The following UBE2V2 variants were observed in gnomAD, a reference collection of about 807,000 sequenced individuals.
The protein encoded by UBE2V2 is ubiquitin conjugating enzyme E2 V2, also known as ubiquitin-conjugating enzyme E2 variant 2.
A neutral mutation model predicts 17.2 loss-of-function variants in UBE2V2; 9 were observed. The observed-to-expected ratio is 0.52, with a 90% CI of 0.32 to 0.91. The LOEUF is 0.91. Among genes scored for constraint, UBE2V2 ranks in the 40% least tolerant of loss-of-function variants. The probability of loss-of-function intolerance (pLI) is 0.04; values close to 1 mark genes in which losing one functional copy is unlikely to be tolerated. For missense variants in UBE2V2, 133 were observed against 182.6 expected (o/e 0.73, Z 1.56); for synonymous variants, 61 against 57.5 (o/e 1.06, Z -0.28).
the UBE2V2 span, among the ~76,000 whole-genome samples, chr8:48,000,081 C>G: frequency 6.6e-6 from 1 of 152,240 alleles, no homozygotes; most frequent in African/African-American, 2.4e-5. Context: ...AGGCTGTCTG[C>G]CTGTGGATTT....
chr8:48,032,468 G>A (rs2091390266), intron 1 of UBE2V2, among the ~76,000 whole-genome samples: 2 of 152,164 alleles, frequency 1.3e-5, no homozygotes, highest in South Asian at 4.1e-4. Context: ...TTCAGAAAAA[G>A]TGTAGCTGGG....
intron 1 of UBE2V2, among the ~76,000 whole-genome samples, chr8:48,028,727 C>G (rs1375818369): frequency 6.6e-6 from 1 of 152,154 alleles, no homozygotes. Flanking sequence ...CTCAAGTGAT[C>G]TGCCTACCTC....
rs2154507929 is a variant in UBE2V2, at chr8:48,049,966, T to C, written c.279T>C (p.Asn93=). Residue 93 remains asparagine (N), a synonymous_variant, in exon 3 of 4, where the codon AAT becomes AAC. Coordinates refer to ENST00000523111, the MANE Select transcript of UBE2V2 (RefSeq NM_003350.3). ...AAATTAATATGAACGGAATAAATAATTCCAGTGGGATGGTAAGTTAATATA... is the reference window on the plus strand; with the variant it reads ...AAATTAATATGAACGGAATAAATAACTCCAGTGGGATGGTAAGTTAATATA... ...VTKINMNGIN[N]SSGMVDARSI... 1 of 1,552,792 alleles carries C rather than the reference T, an allele frequency of 6.4e-7. No homozygotes were observed. Among genetic ancestry groups the C allele is most frequent in the African/African-American group, 1.4e-5 (1 of 71,846 alleles).
At position 48,015,762 on chromosome 8, in the gene UBE2V2, TATTTC is replaced by T. The variant is rs1011410345; in HGVS notation, c.16+7294_16+7298del. Among the ~76,000 whole-genome samples, 85 of 152,320 alleles carry T rather than the reference TATTTC, an allele frequency of 5.6e-4. 1 individual carries two copies. The highest frequency in any genetic ancestry group is 1.9e-3 in the African/African-American group (79 of 41,580). On this transcript the variant is annotated intron_variant, in intron 1 of 3. Transcript: ENST00000523111. ...TGTATTTGTCTTTCTGTGCCTGTGT[TATTTC>T]AGTTAACATAATGTTCTCCAGGTTC...
chr8:48,031,536 G>A (rs146707199), intron 1 of UBE2V2, among the ~76,000 whole-genome samples: 134 of 152,238 alleles, frequency 8.8e-4, no homozygotes, highest in Middle Eastern at 3.4e-3. Context: ...TCTCCTGTAT[G>A]TAATGTATTC....
upstream of UBE2V2, among the ~76,000 whole-genome samples, chr8:48,004,776 G>A (rs1399290202): frequency 1.3e-5 from 2 of 151,852 alleles, no homozygotes; most frequent in African/African-American, 2.4e-5. Context: ...TGATCCACCT[G>A]CCTTGGCCTC....
chr8:48,030,610 A>G (rs968115720), intron 1 of UBE2V2, among the ~76,000 whole-genome samples: 1 of 152,182 alleles, frequency 6.6e-6, no homozygotes, highest in Non-Finnish European at 1.5e-5. Flanking sequence ...GGTGCCAGCT[A>G]CTTGTGGGGC....
chr8:48,055,204 T>G (rs1429962519), intron 3 of UBE2V2, among the ~76,000 whole-genome samples: 3 of 150,496 alleles, frequency 2.0e-5, no homozygotes, highest in Non-Finnish European at 4.4e-5. Context: ...CTTTTCCTTT[T>G]TTTTTTTTTT....
chr8:48,048,705 A>G (rs956650340), intron 2 of UBE2V2, among the ~76,000 whole-genome samples: 1 of 152,138 alleles, frequency 6.6e-6, no homozygotes, highest in African/African-American at 2.4e-5. Context: ...ACATTAGAGT[A>G]GTTTAATACT....
intron 1 of UBE2V2, among the ~76,000 whole-genome samples, chr8:48,011,214 C>A (rs1240864513): frequency 2.6e-5 from 4 of 152,178 alleles, no homozygotes; most frequent in Admixed American, 6.6e-5. Flanking sequence ...GTTGCTCAGG[C>A]TGGAGTGCAA....
chr8:48,008,596 C>T (rs1222871630), intron 1 of UBE2V2, 126 bp downstream of exon 1: 5 of 1,372,104 alleles, frequency 3.6e-6, no homozygotes, highest in African/African-American at 1.5e-5. Context: ...ATGCCGCGCT[C>T]TCCGCAGAGC....
In UBE2V2 at chr8:48,058,030, T is replaced by A. The variant is rs45554844; in HGVS notation, c.292-2652T>A. Among the ~76,000 whole-genome samples, 818 of 152,268 alleles carry A rather than the reference T, an allele frequency of 5.4e-3. 7 individuals carry two copies. The highest frequency in any genetic ancestry group is 0.014 in the Middle Eastern group (4 of 294). On this transcript the variant is annotated intron_variant, in intron 3 of 3. Transcript: ENST00000523111. ...AGAACCTCTCCAGTACAATGTTGAA[T>A]GGAAGTGATGAGAACGGGGCCAGGT... is the stretch of plus-strand genomic sequence containing the variant.
At chr8:48,033,853 A>G (rs188635374) in intron 1 of UBE2V2, among the ~76,000 whole-genome samples, 3 of 152,058 alleles carry the variant, frequency 2.0e-5, no homozygotes, top group African/African-American at 2.4e-5. Flanking sequence ...GCAACTTGGG[A>G]GGCTAAGGTG....
At chr8:48,039,503 GTTCTCTAGGGTT>G (rs1264813022) in intron 1 of UBE2V2, among the ~76,000 whole-genome samples, 1 of 152,046 alleles carries the variant, frequency 6.6e-6, no homozygotes, top group Non-Finnish European at 1.5e-5. Context: ...TGTTCTCATT[GTTCTCTAGGGTT>G]TTCTTTTCCT....
the UBE2V2 span, among the ~76,000 whole-genome samples, chr8:48,002,109 G>T: frequency 6.6e-6 from 1 of 151,896 alleles, no homozygotes; most frequent in Non-Finnish European, 1.5e-5. Context: ...AAGGGCAACA[G>T]ATCCAAAAAG....
At chr8:48,031,840 G>A (rs2091385549) in intron 1 of UBE2V2, among the ~76,000 whole-genome samples, 1 of 152,040 alleles carries the variant, frequency 6.6e-6, no homozygotes. Context: ...AGAGACGGGG[G>A]TTTCACCATG....
intron 1 of UBE2V2, among the ~76,000 whole-genome samples, chr8:48,015,178 G>T (rs950993393): frequency 2.6e-5 from 4 of 151,860 alleles, no homozygotes; most frequent in Non-Finnish European, 4.4e-5. Context: ...AGGAGTTCAA[G>T]ACCAGCCTGG....
rs1285636376 is a variant in UBE2V2 at position 48,061,457 on chromosome 8, A to G, written c.*629A>G. On this transcript the variant is annotated 3_prime_UTR_variant, in exon 4 of 4. Transcript: ENST00000523111. Reference sequence around the variant, plus strand: ...TTTGTTTACAGTCTTTGTTTAACAAACCATGCATTTAAGTTTAAGTGAAGT... The same window carrying G: ...TTTGTTTACAGTCTTTGTTTAACAAGCCATGCATTTAAGTTTAAGTGAAGT... The G allele has an allele frequency of 6.6e-6, 1 of 152,660 alleles. No individual in the cohort carries two copies. Among genetic ancestry groups the G allele is most frequent in the Admixed American group, 6.6e-5 (1 of 15,262 alleles). The allele number at this position is 152,660 out of a possible 1,614,324, so 9.5% of individuals were successfully genotyped here.
the UBE2V2 span, among the ~76,000 whole-genome samples, chr8:48,003,351 A>T: frequency 3.9e-5 from 6 of 152,318 alleles, no homozygotes; most frequent in South Asian, 1.2e-3. Flanking sequence ...CACCGTAAAC[A>T]GGGAAAACAT....
Sources: allele counts gnomAD v4.1 joint callset (sites outside exome capture counted in the v4.1 genomes callset), GRCh38; gene constraint gnomAD v4.1.1; transcripts MANE v1.5; gene names NCBI Gene and HGNC (gene_info 2026-07-23, HGNC 2026-07-21).